IRAK4: variants seen among roughly 807,000 people sequenced by gnomAD.
IRAK4 encodes the protein interleukin 1 receptor associated kinase 4.
In IRAK4, 44 loss-of-function variants were observed where a neutral mutation model predicts 51.8. That is an observed-to-expected ratio of 0.85 (90% CI 0.67 to 1.09). The LOEUF (loss-of-function observed/expected upper bound fraction) is 1.09, where lower values mean the gene tolerates loss of function less well. IRAK4 is among the 50% of genes least tolerant of loss of function. The probability of loss-of-function intolerance (pLI) is 0.00; values close to 1 mark genes in which losing one functional copy is unlikely to be tolerated. For missense variants in IRAK4, 487 were observed against 538.0 expected (o/e 0.91, Z 0.94); for synonymous variants, 149 against 174.1 (o/e 0.86, Z 1.13).
At chr12:43,769,402 G>A (rs1940509659) in intron 2 of IRAK4, among the ~76,000 whole-genome samples, 1 of 152,184 alleles carries the variant, frequency 6.6e-6, no homozygotes, top group African/African-American at 2.4e-5. Context: ...GCTCATGCCT[G>A]TAATCCTAAC....
At chr12:43,761,085 A>T (rs1322819227) in intron 1 of IRAK4, 1 of 152,224 alleles carries the variant, frequency 6.6e-6, no homozygotes, top group East Asian at 1.9e-4. Context: ...AATTTATGGT[A>T]CACCAGCACA....
intron 2 of IRAK4, among the ~76,000 whole-genome samples, chr12:43,770,335 CAG>C: frequency 6.6e-6 from 1 of 152,120 alleles, no homozygotes; most frequent in Middle Eastern, 3.4e-3. Context: ...ATATAGCTAT[CAG>C]AGTCTTAAGT....
At chr12:43,777,200 G>A (rs1941356115) in intron 6 of IRAK4, among the ~76,000 whole-genome samples, 1 of 152,130 alleles carries the variant, frequency 6.6e-6, no homozygotes, top group South Asian at 2.1e-4. Context: ...AGACCAGTCT[G>A]GGAAACACAG....
intron 11 of IRAK4, 52 bp downstream of exon 11, chr12:43,786,609 A>G (rs1315271091): frequency 1.2e-6 from 2 of 1,608,236 alleles, no homozygotes; most frequent in African/African-American, 1.3e-5. Context: ...GGTTCATCAT[A>G]TTTTCCAGAG....
At chr12:43,781,627 C>T (rs759692937) in intron 8 of IRAK4, among the ~76,000 whole-genome samples, 17 of 152,172 alleles carry the variant, frequency 1.1e-4, no homozygotes, top group Non-Finnish European at 2.4e-4. Context: ...GTTGTTCTCT[C>T]AGCATTTTGT....
At chr12:43,776,830 A>G (rs558876059) in intron 6 of IRAK4, among the ~76,000 whole-genome samples, 1 of 152,374 alleles carries the variant, frequency 6.6e-6, no homozygotes, top group South Asian at 2.1e-4. Flanking sequence ...ATATAAAGAC[A>G]CTCAAATTAG....
chr12:43,771,681 A>G (rs1202906201), intron 3 of IRAK4, among the ~76,000 whole-genome samples: 1 of 152,120 alleles, frequency 6.6e-6, no homozygotes. Flanking sequence ...CCTTTTTTTC[A>G]TCTTCAACTT....
intron 1 of IRAK4, among the ~76,000 whole-genome samples, chr12:43,763,727 C>CCT (rs4251438): frequency 2.0e-5 from 3 of 149,704 alleles, no homozygotes; most frequent in Non-Finnish European, 4.4e-5. Flanking sequence ...CCCTCATACT[C>CCT]CTCTCTCTCT....
chr12:43,767,475 T>C (rs1217551265), intron 1 of IRAK4, among the ~76,000 whole-genome samples: 1 of 152,154 alleles, frequency 6.6e-6, no homozygotes, highest in African/African-American at 2.4e-5. Flanking sequence ...TAGAGAGTAG[T>C]TGAAGTGGTG....
At chr12:43,774,052 G>C (rs368286263) in intron 6 of IRAK4, 23 bp downstream of exon 6, 1 of 1,573,952 alleles carries the variant, frequency 6.4e-7, no homozygotes, top group South Asian at 1.1e-5. Context: ...CTGGCAGTGC[G>C]GTGTAGTGGA....
chr12:43,772,409 C>A, intron 4 of IRAK4, 47 bp downstream of exon 4: 1 of 1,504,918 alleles, frequency 6.6e-7, no homozygotes, highest in Non-Finnish European at 9.2e-7. Flanking sequence ...GTCATTAAGA[C>A]TACCAGTGCT....
chr12:43,782,569 C>A, intron 9 of IRAK4, 79 bp downstream of exon 9: 1 of 1,158,032 alleles, frequency 8.6e-7, no homozygotes, highest in Non-Finnish European at 1.3e-6. Flanking sequence ...ATTTAATACA[C>A]CCATCTTGTT....
In IRAK4 at chr12:43,785,493, C is replaced by G. The variant is rs1592264746; in HGVS notation, c.1189-906C>G. ...AAGCAGACCACCCTGTGCTGCCCAC[C>G]TAGTAAATGCTGCTAATGGGAACAT... On this transcript the variant is annotated intron_variant, in intron 10 of 11. Transcript: ENST00000613694. 2.0e-5 allele frequency among the ~76,000 whole-genome samples: 3 copies of G among 151,932 alleles called. No individual in the cohort carries two copies. The South Asian group carries it at 6.3e-4, about 32-fold the overall frequency.
intron 10 of IRAK4, 29 bp downstream of exon 10, chr12:43,783,753 C>CT: frequency 1.4e-6 from 2 of 1,455,398 alleles, no homozygotes; most frequent in Non-Finnish European, 9.6e-7. Context: ...TTCCTCAATC[C>CT]TTTTTTCTCT....
chr12:43,764,215 G>A lies in IRAK4; in HGVS notation c.-9-3888G>A, dbSNP rs4251441. ...GAGGTGGGCAGATCACCTGAGGTCAGGAGTTCAAGACCAGCCTGGTCAACA... is the reference window on the plus strand; with the variant it reads ...GAGGTGGGCAGATCACCTGAGGTCAAGAGTTCAAGACCAGCCTGGTCAACA... On this transcript the variant is annotated intron_variant, in intron 1 of 11. Transcript: ENST00000613694. Among the ~76,000 whole-genome samples, 761 of 152,276 alleles carry A rather than the reference G, an allele frequency of 5.0e-3. 6 individuals carry two copies. The highest frequency in any genetic ancestry group is 0.017 in the African/African-American group (715 of 41,540).
At chr12:43,778,517 T>G (rs570977487) in intron 8 of IRAK4, among the ~76,000 whole-genome samples, 1 of 152,292 alleles carries the variant, frequency 6.6e-6, no homozygotes, top group East Asian at 1.9e-4. Flanking sequence ...ACCTTTTTTG[T>G]TTGTTTTAAT....
intron 1 of IRAK4, among the ~76,000 whole-genome samples, chr12:43,759,946 C>G (rs1206096395): frequency 6.6e-6 from 1 of 151,798 alleles, no homozygotes; most frequent in Non-Finnish European, 1.5e-5. Flanking sequence ...GAACAAACGG[C>G]GCTATTAGTG....
At chr12:43,759,049 A>G (rs2137805444) in intron 1 of IRAK4, 33 bp downstream of exon 1, 1 of 152,306 alleles carries the variant, frequency 6.6e-6, no homozygotes, top group Admixed American at 6.5e-5. Context: ...GCCTCGGTCA[A>G]ACGTCGTCCG....
At chr12:43,762,193 A>T (rs2137840824) in intron 1 of IRAK4, among the ~76,000 whole-genome samples, 1 of 152,222 alleles carries the variant, frequency 6.6e-6, no homozygotes, top group East Asian at 1.9e-4. Context: ...ATGAATATAC[A>T]TTTAAAGTAA....
Sources: allele counts gnomAD v4.1 joint callset (sites outside exome capture counted in the v4.1 genomes callset), GRCh38; gene constraint gnomAD v4.1.1; transcripts MANE v1.5; gene names NCBI Gene and HGNC (gene_info 2026-07-23, HGNC 2026-07-21).